The following MSRB3 variants were observed in gnomAD, a reference collection of about 807,000 sequenced individuals.
MSRB3 encodes methionine sulfoxide reductase B3, also known as methionine-R-sulfoxide reductase B3.
MSRB3 carries 13 observed loss-of-function variants against 21.0 expected under a neutral mutation model. The ratio of observed to expected loss-of-function variants is 0.62; its 90% CI spans 0.40 to 0.98. MSRB3 has a LOEUF of 0.98. Ranked by LOEUF, MSRB3 falls within the 50% of genes least tolerant of loss-of-function variation. The pLI is 0.00. For missense variants in MSRB3, 199 were observed against 230.3 expected (o/e 0.86, Z 0.88); for synonymous variants, 87 against 88.6 (o/e 0.98, Z 0.10).
intron 5 of MSRB3, among the ~76,000 whole-genome samples, chr12:65,421,291 C>T (rs746922354): frequency 1.3e-5 from 2 of 152,064 alleles, no homozygotes; most frequent in African/African-American, 4.8e-5. Context: ...ATATCCTTTG[C>T]CCACTTTTTA....
chr12:65,311,348 T>C (rs1873973338), intron 2 of MSRB3, among the ~76,000 whole-genome samples: 1 of 152,158 alleles, frequency 6.6e-6, no homozygotes, highest in Admixed American at 6.6e-5. Flanking sequence ...TAGAATAGTA[T>C]TCCATAATTT....
chr12:65,326,213 TC>T (rs1422282390), intron 2 of MSRB3, among the ~76,000 whole-genome samples: 1 of 152,200 alleles, frequency 6.6e-6, no homozygotes, highest in Non-Finnish European at 1.5e-5. Flanking sequence ...TAAGATACAG[TC>T]TTTGAAGAGA....
chr12:65,361,901 A>G lies in MSRB3; in HGVS notation c.264-7097A>G, dbSNP rs544888280. 2.0e-5 allele frequency among the ~76,000 whole-genome samples: 3 copies of G among 152,088 alleles called. No homozygotes were observed. The East Asian group carries it at 5.8e-4, about 29-fold the overall frequency. ...CTAAATTTCTGGGTTTTAAAATTCT[A>G]TTTTTTTCAGTTTTTTAAAAAATTA... is the stretch of plus-strand genomic sequence containing the variant. On this transcript the variant is annotated intron_variant, in intron 4 of 6. Transcript: ENST00000308259.
At chr12:65,322,660 C>CAAAAAAAAAAAA (rs34770864) in intron 2 of MSRB3, among the ~76,000 whole-genome samples, 1 of 87,622 alleles carries the variant, frequency 1.1e-5, no homozygotes, top group Non-Finnish European at 2.2e-5. Context: ...GACTCCATCT[C>CAAAAAAAAAAAA]AAAAAAAAAA....
At position 65,463,494 on chromosome 12, in the gene MSRB3, A is replaced by G; in HGVS notation, c.*172A>G. ...AGCCCTGGCCATCCATGTATTTTGC[A>G]ATTGACTAGATCAAGAACTGTTTAT... On this transcript the variant is annotated 3_prime_UTR_variant, in exon 7 of 7. Coordinates refer to ENST00000308259, the MANE Select transcript of MSRB3 (RefSeq NM_001031679.3). 1.3e-6 allele frequency: 1 copy of G among 751,930 alleles called. No homozygotes were observed. Among genetic ancestry groups the G allele is most frequent in the Non-Finnish European group, 2.1e-6 (1 of 476,700 alleles). 46.6% of individuals were successfully genotyped at this position (751,930 alleles called of 1,614,324 possible).
intron 1 of MSRB3, among the ~76,000 whole-genome samples, chr12:65,307,967 A>T (rs1873754980): frequency 6.6e-6 from 1 of 152,198 alleles, no homozygotes; most frequent in Non-Finnish European, 1.5e-5. Context: ...ATTATTTTAT[A>T]GTCTTCTCCA....
chr12:65,424,989 A>ATATC (rs1214797940), intron 5 of MSRB3, among the ~76,000 whole-genome samples: 4 of 94 alleles, frequency 0.043, 1 homozygote, highest in Non-Finnish European at 0.083. Context: ...ATATATATAT[A>ATATC]TCTCAATATT....
intron 4 of MSRB3, among the ~76,000 whole-genome samples, chr12:65,349,498 T>A (rs1201305654): frequency 6.6e-6 from 1 of 151,068 alleles, no homozygotes; most frequent in Non-Finnish European, 1.5e-5. Context: ...ACTTCCACAA[T>A]GGATGAACTA....
At chr12:65,451,312 G>A (rs1219761429) in intron 5 of MSRB3, among the ~76,000 whole-genome samples, 1 of 151,718 alleles carries the variant, frequency 6.6e-6, no homozygotes, top group Non-Finnish European at 1.5e-5. Flanking sequence ...TAATGCCATG[G>A]TAAACAACAA....
At chr12:65,446,602 A>T (rs907216826) in intron 5 of MSRB3, among the ~76,000 whole-genome samples, 1 of 152,228 alleles carries the variant, frequency 6.6e-6, no homozygotes, top group Non-Finnish European at 1.5e-5. Flanking sequence ...CTCCCAAGAG[A>T]TATCTTTAAA....
intron 5 of MSRB3, among the ~76,000 whole-genome samples, chr12:65,427,143 TTGG>T (rs1170156469): frequency 6.6e-6 from 1 of 152,188 alleles, no homozygotes; most frequent in Non-Finnish European, 1.5e-5. Flanking sequence ...CTTTGCACAT[TTGG>T]TGGAACAGTC....
At chr12:65,298,850 A>G (rs1873140746) in intron 1 of MSRB3, among the ~76,000 whole-genome samples, 1 of 152,198 alleles carries the variant, frequency 6.6e-6, no homozygotes, top group African/African-American at 2.4e-5. Flanking sequence ...TTTAAGGCTT[A>G]TATTTAGCTC....
intron 1 of MSRB3, among the ~76,000 whole-genome samples, chr12:65,292,846 C>T (rs976161019): frequency 1.3e-5 from 2 of 151,860 alleles, no homozygotes; most frequent in African/African-American, 2.4e-5. Flanking sequence ...AGACAGCCAA[C>T]CTGAGAAATA....
chr12:65,410,654 C>A (rs1880668323), intron 5 of MSRB3, among the ~76,000 whole-genome samples: 1 of 151,980 alleles, frequency 6.6e-6, no homozygotes, highest in African/African-American at 2.4e-5. Context: ...AAAAAAGAAA[C>A]CCCAGCTCAG....
intron 1 of MSRB3, among the ~76,000 whole-genome samples, chr12:65,281,385 A>G (rs1377107265): frequency 6.6e-6 from 1 of 152,154 alleles, no homozygotes; most frequent in Non-Finnish European, 1.5e-5. Flanking sequence ...TTGTTTATGT[A>G]ACTCTTCAGA....
chr12:65,358,284 AT>A (rs1477399536), intron 4 of MSRB3, among the ~76,000 whole-genome samples: 1 of 151,322 alleles, frequency 6.6e-6, no homozygotes, highest in South Asian at 2.1e-4. Flanking sequence ...TGCCCAGCTA[AT>A]TTTTTATTTT....
chr12:65,463,154 G>A lies in MSRB3; in HGVS notation c.391-1G>A, dbSNP rs751906778. 1.9e-6 allele frequency: 3 copies of A among 1,614,002 alleles called. No individual in the cohort carries two copies. In the South Asian group the frequency reaches 3.3e-5, roughly 18 times the overall value. On this transcript the variant is annotated splice_acceptor_variant, in intron 6 of 6. Coordinates refer to ENST00000308259, the MANE Select transcript of MSRB3 (RefSeq NM_001031679.3). LOFTEE classifies it high-confidence loss of function. ...CCTGACGTTTTGTTCTTCTCTTTCA[G>A]TGTGGTGCTCACCTTGGGCACATTT...
chr12:65,315,094 T>C (rs1162967745), intron 2 of MSRB3, among the ~76,000 whole-genome samples: 1 of 152,218 alleles, frequency 6.6e-6, no homozygotes, highest in African/African-American at 2.4e-5. Flanking sequence ...CATCCTTTCC[T>C]AGTTTACAAT....
At chr12:65,430,704 T>C (rs1158170585) in intron 5 of MSRB3, among the ~76,000 whole-genome samples, 3 of 152,262 alleles carry the variant, frequency 2.0e-5, no homozygotes, top group African/African-American at 7.2e-5. Context: ...AGCCTTTGCC[T>C]TCAATTCTTA....
Sources: gnomAD v4.1 joint callset for allele counts (sites outside exome capture counted in the v4.1 genomes callset) on GRCh38, gnomAD v4.1.1 for gene constraint, MANE v1.5 for transcripts, NCBI Gene and HGNC (gene_info 2026-07-23, HGNC 2026-07-21) for gene names.